MORC4: variants seen among roughly 807,000 people sequenced by gnomAD.
MORC4 encodes the protein MORC family CW-type zinc finger protein 4.
Under a neutral mutation model 65.5 loss-of-function variants are expected in MORC4, and 22 were observed. The ratio of observed to expected loss-of-function variants is 0.34; its 90% CI spans 0.24 to 0.48. MORC4 has a LOEUF of 0.48. Among genes scored for constraint, MORC4 ranks in the 20% least tolerant of loss-of-function variants. The pLI is 0.99. For synonymous variants in MORC4, 267 were observed against 255.8 expected, an observed-to-expected ratio of 1.04 and a Z score of -0.42; for missense variants, 624 against 703.0, an observed-to-expected ratio of 0.89 and a Z score of 1.27.
chrX:106,943,131 G>C lies in MORC4; in HGVS notation c.1760C>G (p.Ser587Cys). 8.3e-7 allele frequency: 1 copy of C among 1,211,135 alleles called. No homozygotes were observed. The highest frequency in any genetic ancestry group is 1.1e-6 in the Non-Finnish European group (1 of 894,734). Residue 587 changes from serine to cysteine, a missense_variant, in exon 15 of 17, where the codon TCT becomes TGT. Coordinates refer to ENST00000355610, the MANE Select transcript of MORC4 (RefSeq NM_024657.5). ...RRLQNEMTTP[S>C]LDYSMPAPYR... ...AGGAGCAGGCATGGAATAATCTAGA[G>C]AAGGTGTTGTCATCTCATTCTGGAG...
chrX:106,956,511 T>G lies in MORC4; in HGVS notation c.1478A>C (p.Lys493Thr), dbSNP rs1219301419. 2 of 1,208,112 alleles carry G rather than the reference T, an allele frequency of 1.7e-6. No individual in the cohort carries two copies. Among genetic ancestry groups the G allele is most frequent in the East Asian group, 5.9e-5 (2 of 33,835 alleles). The part of the protein sequence containing the change: ...KKQEQTVEEK[K>T]KMPMENENHQ... ...GTTCTCATTTTCCATAGGCATCTTC[T>G]TCTTCTCCTCAACAGTTTGTTCTCT... is the stretch of plus-strand genomic sequence containing the variant. The change falls in exon 13 of 17, where the codon AAG becomes ACG. Residue 493 changes from lysine (K) to threonine (T), a missense_variant. Physicochemically the swap from Lys to Thr is moderately conservative, Grantham distance 78 (BLOSUM62 -1). Coordinates refer to ENST00000355610, the MANE Select transcript of MORC4 (RefSeq NM_024657.5).
chrX:106,951,105 T>C (rs573795764), intron 14 of MORC4, among the ~76,000 whole-genome samples: 3 of 111,898 alleles, frequency 2.7e-5, no homozygotes, highest in African/African-American at 9.7e-5. Flanking sequence ...ATCATATTTT[T>C]AAATGTTAAT....
intron 3 of MORC4, among the ~76,000 whole-genome samples, chrX:106,990,571 T>C (rs1298696536): frequency 8.9e-6 from 1 of 112,480 alleles, no homozygotes; most frequent in Non-Finnish European, 1.9e-5. Flanking sequence ...AATGATCTCT[T>C]TTAAATAAAT....
At position 106,985,137 on chromosome X, in the gene MORC4, T is replaced by A. The variant is rs1452419831; in HGVS notation, c.633A>T (p.Pro211=). The A allele has an allele frequency of 8.3e-7, 1 of 1,206,521 alleles. No homozygotes were observed. The highest frequency in any genetic ancestry group is 2.2e-5 in the Admixed American group (1 of 45,944). Residue 211 remains proline (P), a synonymous_variant, in exon 5 of 17, where the codon CCA becomes CCT. Coordinates refer to ENST00000355610, the MANE Select transcript of MORC4 (RefSeq NM_024657.5). ...TGAGAACACGAGTGCCTTTTTTGCC[T>A]GGGATGGCATCAAACTGGGCCAGCA... ...NDLLAQFDAI[P]GKKGTRVLIW...
chrX:106,947,572 TA>T (rs1933868996), intron 14 of MORC4, among the ~76,000 whole-genome samples: 4 of 34,117 alleles, frequency 1.2e-4, no homozygotes, highest in African/African-American at 5.8e-4. Flanking sequence ...ATATATATAT[TA>T]TATATATATA....
At chrX:106,965,817 A>T (rs955999716) in intron 9 of MORC4, among the ~76,000 whole-genome samples, 25 of 112,410 alleles carry the variant, frequency 2.2e-4, no homozygotes, top group African/African-American at 7.4e-4. Flanking sequence ...TGTAAACAAG[A>T]GTATTGGTAG....
Position 106,942,587 on chromosome X carries a change from C to T in MORC4, c.2304G>A (p.Glu768=). The change falls in exon 15 of 17, where the codon GAG becomes GAA. Residue 768 remains glutamate (E), a synonymous_variant. Coordinates refer to ENST00000355610, the MANE Select transcript of MORC4 (RefSeq NM_024657.5). ...CTGTGGTTCTCTTCAATTCTTCCAG[C>T]TCTCTCTGGTTCTTCAACTTTGGTG... ...HNTPKLKNQR[E]LEELKRTTEK... The T allele has an allele frequency of 1.7e-6, 2 of 1,211,339 alleles. No individual in the cohort carries two copies. Among genetic ancestry groups the T allele is most frequent in the East Asian group, 3.0e-5 (1 of 33,830 alleles).
chrX:106,981,546 C>A, intron 5 of MORC4, 69 bp from the exon 6 acceptor site: 1 of 973,416 alleles, frequency 1.0e-6, no homozygotes, highest in Non-Finnish European at 1.4e-6. Flanking sequence ...GCACTAGGAG[C>A]CCAAAAGAAA....
intron 11 of MORC4, 61 bp from the exon 12 acceptor site, chrX:106,957,065 T>C: frequency 1.4e-6 from 1 of 729,408 alleles, no homozygotes. Context: ...TTTTACCTTT[T>C]AATTTCCTTA....
chrX:106,978,038 C>T, intron 8 of MORC4, 42 bp downstream of exon 8: 1 of 1,200,608 alleles, frequency 8.3e-7, no homozygotes, highest in Non-Finnish European at 1.1e-6. Flanking sequence ...TCTCTTCCTA[C>T]TCTTTTCAGC....
chrX:106,948,370 ATATGT>A (rs1175122515), intron 14 of MORC4, among the ~76,000 whole-genome samples: 2 of 111,928 alleles, frequency 1.8e-5, no homozygotes, highest in Non-Finnish European at 3.8e-5. Flanking sequence ...TTACATTTGT[ATATGT>A]TATAAGCACA....
chrX:106,968,642 CA>C (rs1194053588), intron 9 of MORC4, among the ~76,000 whole-genome samples: 729 of 17,948 alleles, frequency 0.041, 4 homozygotes, highest in African/African-American at 0.13. Flanking sequence ...AAATGGAAAG[CA>C]AAAAAAAAAA....
intron 9 of MORC4, among the ~76,000 whole-genome samples, chrX:106,974,655 C>G (rs1357816376): frequency 1.8e-5 from 2 of 111,429 alleles, no homozygotes; most frequent in African/African-American, 6.5e-5. Flanking sequence ...ACTGTAAGCT[C>G]CACAACTGTT....
intron 14 of MORC4, among the ~76,000 whole-genome samples, chrX:106,947,319 T>C (rs1406676968): frequency 9.2e-6 from 1 of 108,612 alleles, no homozygotes; most frequent in Non-Finnish European, 1.9e-5. Flanking sequence ...ACATACTATG[T>C]TGTTGCTGGG....
At chrX:106,981,876 C>G (rs1221262340) in intron 5 of MORC4, among the ~76,000 whole-genome samples, 1 of 112,045 alleles carries the variant, frequency 8.9e-6, no homozygotes, top group Non-Finnish European at 1.9e-5. Flanking sequence ...TCAAAACCCA[C>G]TTCTACCAAC....
In MORC4 at chrX:106,978,620, GCACACA is replaced by G. The variant is rs376470714; in HGVS notation, c.937-427_937-422del. Among the ~76,000 whole-genome samples, 705 of 102,005 alleles carry G rather than the reference GCACACA, an allele frequency of 6.9e-3. 4 individuals are homozygous for G. Among genetic ancestry groups the G allele is most frequent in the Non-Finnish European group, 0.012 (591 of 48,943 alleles). The allele number at this position is 102,005 out of a possible 115,157, so 88.6% of individuals were successfully genotyped here. On this transcript the variant is annotated intron_variant, in intron 7 of 16. Coordinates refer to ENST00000355610, the MANE Select transcript of MORC4 (RefSeq NM_024657.5). ...TTATAAAAACATCACACACACACAC[GCACACA>G]CACACACACACACACATGCATAGAA...
At position 106,953,434 on chromosome X, in the gene MORC4, C is replaced by G. The variant is rs146486932; in HGVS notation, c.1685+1479G>C. 4.7e-3 allele frequency among the ~76,000 whole-genome samples: 527 copies of G among 111,586 alleles called. 2 individuals carry two copies. The highest frequency in any genetic ancestry group is 7.3e-3 in the Non-Finnish European group (390 of 53,069). On this transcript the variant is annotated intron_variant, in intron 14 of 16. Coordinates refer to ENST00000355610, the MANE Select transcript of MORC4 (RefSeq NM_024657.5). ...AAGGTAACAATGTGCTTCAAAAACA[C>G]TTAGCATTTACAGTGCACCCCTCCC...
At chrX:106,963,562 G>A (rs1282222024) in intron 9 of MORC4, among the ~76,000 whole-genome samples, 3 of 111,756 alleles carry the variant, frequency 2.7e-5, no homozygotes, top group African/African-American at 9.8e-5. Flanking sequence ...GATCACAGAT[G>A]TGAAGACAAA....
intron 2 of MORC4, among the ~76,000 whole-genome samples, chrX:106,995,347 T>C (rs1341144462): frequency 8.9e-6 from 1 of 111,909 alleles, no homozygotes; most frequent in East Asian, 2.8e-4. Context: ...AGCCAAACAC[T>C]GGAGCCTCCC....
Sources: allele counts gnomAD v4.1 joint callset (sites outside exome capture counted in the v4.1 genomes callset), GRCh38; gene constraint gnomAD v4.1.1; transcripts MANE v1.5; gene names NCBI Gene and HGNC (gene_info 2026-07-23, HGNC 2026-07-21).